The following AHI1 variants were observed in gnomAD, a reference collection of about 807,000 sequenced individuals.
AHI1 encodes Abelson helper integration site 1.
In AHI1, 123 loss-of-function variants were observed where a neutral mutation model predicts 149.3. That is an observed-to-expected ratio of 0.82 (90% CI 0.71 to 0.96). The LOEUF (loss-of-function observed/expected upper bound fraction) is 0.96, where lower values mean the gene tolerates loss of function less well. AHI1 is among the 40% of genes least tolerant of loss of function. The pLI, the probability that AHI1 is intolerant of heterozygous loss-of-function variation, is 0.00. For synonymous variants in AHI1, 475 were observed against 459.8 expected (o/e 1.03, Z -0.42); for missense variants, 1,439 against 1,422.7 (o/e 1.01, Z -0.18).
chr6:135,337,710 C>T (rs1041090946), intron 24 of AHI1, among the ~76,000 whole-genome samples: 1 of 144,310 alleles, frequency 6.9e-6, no homozygotes, highest in Middle Eastern at 3.6e-3. Flanking sequence ...TGCAGTGAGC[C>T]GTGATGATGT....
intron 3 of AHI1, among the ~76,000 whole-genome samples, chr6:135,495,074 AC>A (rs34242112): frequency 6.6e-6 from 1 of 151,710 alleles, no homozygotes; most frequent in African/African-American, 2.4e-5. Flanking sequence ...TCTTCCCATC[AC>A]CCCCAAAGGC....
At chr6:135,346,718 T>C (rs765200046) in intron 24 of AHI1, among the ~76,000 whole-genome samples, 190 of 152,224 alleles carry the variant, frequency 1.2e-3, no homozygotes, top group Non-Finnish European at 2.4e-3. Flanking sequence ...CATCACCTCA[T>C]TCTTGGGGGA....
intron 8 of AHI1, among the ~76,000 whole-genome samples, chr6:135,459,197 A>G (rs559241903): frequency 6.6e-6 from 1 of 152,338 alleles, no homozygotes; most frequent in East Asian, 1.9e-4. Context: ...TTATCTGACA[A>G]CAATGGAAGA....
At chr6:135,485,981 C>T (rs746745188) in intron 5 of AHI1, among the ~76,000 whole-genome samples, 5 of 152,144 alleles carry the variant, frequency 3.3e-5, no homozygotes, top group Admixed American at 1.3e-4. Context: ...TTCTTAACCT[C>T]TGTGCCTCAG....
At chr6:135,307,165 G>A (rs1273806131) in intron 26 of AHI1, 1 of 152,148 alleles carries the variant, frequency 6.6e-6, no homozygotes, top group African/African-American at 2.4e-5. Flanking sequence ...AAGCAAATTT[G>A]TTCCAACATG....
At chr6:135,303,260 T>C (rs1784114377) in intron 26 of AHI1, among the ~76,000 whole-genome samples, 1 of 152,194 alleles carries the variant, frequency 6.6e-6, no homozygotes, top group South Asian at 2.1e-4. Flanking sequence ...ACTTGAAGAA[T>C]GAATATAAAA....
At position 135,447,086 on chromosome 6, in the gene AHI1, A is replaced by T; in HGVS notation, c.1701T>A (p.His567Gln). 2 of 1,613,230 alleles carry T rather than the reference A, an allele frequency of 1.2e-6. No individual in the cohort carries two copies. Among genetic ancestry groups the T allele is most frequent in the Non-Finnish European group, 1.7e-6 (2 of 1,179,470 alleles). The change falls in exon 13 of 29, where the codon CAT (histidine) becomes CAA (glutamine). Residue 567 changes from histidine (H) to glutamine (Q), a missense_variant. Physicochemically the swap from His to Gln is conservative, Grantham distance 24. Coordinates refer to ENST00000265602, the MANE Select transcript of AHI1 (RefSeq NM_001134831.2). ...GTTCTGTGTCTACTGAGCTTGACTC[A>T]TGGTGACGTTCACAATGCACTGGTT... is the stretch of plus-strand genomic sequence containing the variant. ...KGKPVHCERH[H>Q]ESSSVDTEPG...
intron 24 of AHI1, among the ~76,000 whole-genome samples, chr6:135,345,212 C>G (rs993448297): frequency 2.0e-5 from 3 of 152,138 alleles, no homozygotes; most frequent in African/African-American, 4.8e-5. Flanking sequence ...AACACTCATT[C>G]ATGTCTGGTG....
intron 12 of AHI1, among the ~76,000 whole-genome samples, 156 bp from the exon 13 acceptor site, chr6:135,447,316 TAA>T (rs1787397532): frequency 6.6e-6 from 1 of 152,080 alleles, no homozygotes; most frequent in African/African-American, 2.4e-5. Flanking sequence ...TTATTCTAAA[TAA>T]AATAAAAAAG....
At chr6:135,333,224 GTC>G (rs1788863144) in intron 24 of AHI1, among the ~76,000 whole-genome samples, 1 of 152,048 alleles carries the variant, frequency 6.6e-6, no homozygotes, top group Non-Finnish European at 1.5e-5. Flanking sequence ...CTTTAAGAAA[GTC>G]TCATTTCTCA....
At chr6:135,445,449 T>C (rs1350364999) in intron 13 of AHI1, among the ~76,000 whole-genome samples, 11 of 152,230 alleles carry the variant, frequency 7.2e-5, no homozygotes, top group Non-Finnish European at 1.5e-4. Flanking sequence ...AGTATATACA[T>C]GTACATATCT....
chr6:135,370,251 G>C (rs1404685053), intron 23 of AHI1, among the ~76,000 whole-genome samples: 2 of 152,158 alleles, frequency 1.3e-5, no homozygotes, highest in Admixed American at 6.5e-5. Flanking sequence ...CTGTTGCTTA[G>C]TTAATTTCAA....
At chr6:135,464,881 A>G (rs1026387486) in intron 7 of AHI1, among the ~76,000 whole-genome samples, 1 of 152,212 alleles carries the variant, frequency 6.6e-6, no homozygotes, top group Non-Finnish European at 1.5e-5. Flanking sequence ...TGACAGAGAC[A>G]CCCAGTGAAG....
intron 26 of AHI1, among the ~76,000 whole-genome samples, chr6:135,310,923 TAAAA>T (rs1214304554): frequency 6.6e-6 from 1 of 151,970 alleles, no homozygotes; most frequent in Non-Finnish European, 1.5e-5. Flanking sequence ...TTTCAGGAAT[TAAAA>T]AAACAGATTT....
chr6:135,438,612 C>G, intron 14 of AHI1, 114 bp from the exon 15 acceptor site: 1 of 811,992 alleles, frequency 1.2e-6, no homozygotes, highest in Non-Finnish European at 1.7e-6. Flanking sequence ...AAAATTATAA[C>G]CAAAGACATT....
At chr6:135,296,145 G>A (rs537476369) in intron 27 of AHI1, among the ~76,000 whole-genome samples, 4 of 152,242 alleles carry the variant, frequency 2.6e-5, no homozygotes, top group South Asian at 4.2e-4. Context: ...GTGAGCCACC[G>A]CGCCTGGCCG....
chr6:135,401,661 A>G (rs572413025), intron 22 of AHI1, among the ~76,000 whole-genome samples: 1 of 152,334 alleles, frequency 6.6e-6, no homozygotes, highest in South Asian at 2.1e-4. Flanking sequence ...AAGTGGACCT[A>G]TCCATCATAC....
At position 135,442,651 on chromosome 6, in the gene AHI1, GA is replaced by G; in HGVS notation, c.1842del (p.Asp616IlefsTer9). The G allele has an allele frequency of 6.2e-7, 1 of 1,610,980 alleles. No homozygotes were observed. The highest frequency in any genetic ancestry group is 1.3e-5 in the African/African-American group (1 of 74,974). ...SLNAGERGCF[C>X]LDFSHNGRIL... The stretch of plus-strand genomic sequence containing the variant: ...ATTCTTCCATTGTGGGAGAAATCAA[GA>G]CAAAAACATCCTCGTTCTCCTGCAT... On this transcript the variant is annotated frameshift_variant, in exon 14 of 29. Coordinates refer to ENST00000265602, the MANE Select transcript of AHI1 (RefSeq NM_001134831.2). LOFTEE classifies it high-confidence loss of function.
At chr6:135,493,556 T>C in intron 3 of AHI1, among the ~76,000 whole-genome samples, 1 of 152,220 alleles carries the variant, frequency 6.6e-6, no homozygotes, top group East Asian at 1.9e-4. Context: ...AAATCTAGTC[T>C]TCTACTTTCT....
Sources: allele counts gnomAD v4.1 joint callset (sites outside exome capture counted in the v4.1 genomes callset), GRCh38; gene constraint gnomAD v4.1.1; transcripts MANE v1.5; gene names NCBI Gene and HGNC (gene_info 2026-07-23, HGNC 2026-07-21).